The following TXK variants were observed in gnomAD, a reference collection of about 807,000 sequenced individuals.
The protein encoded by TXK is TXK tyrosine kinase.
A neutral mutation model predicts 81.0 loss-of-function variants in TXK; 60 were observed. The ratio of observed to expected loss-of-function variants is 0.74; its 90% confidence interval spans 0.60 to 0.92. The LOEUF is 0.92. Ranked by LOEUF, TXK falls within the 40% of genes least tolerant of loss-of-function variation. TXK has a pLI of 0.00. For synonymous variants in TXK, 203 were observed against 210.7 expected (o/e 0.96, Z 0.32); for missense variants, 581 against 638.3 (o/e 0.91, Z 0.97).
chr4:48,124,499 CAATA>C (rs1418023329), intron 1 of TXK, among the ~76,000 whole-genome samples: 1 of 151,706 alleles, frequency 6.6e-6, no homozygotes, highest in African/African-American at 2.4e-5. Context: ...AACAAAAGCT[CAATA>C]AATAACTGTT....
At chr4:48,126,399 A>G (rs1315537292) in intron 1 of TXK, among the ~76,000 whole-genome samples, 21 of 152,228 alleles carry the variant, frequency 1.4e-4, no homozygotes, top group Admixed American at 1.4e-3. Flanking sequence ...GTTGATCAAC[A>G]TTTATGTTAT....
chr4:48,074,321 G>A (rs1177367238), intron 12 of TXK, among the ~76,000 whole-genome samples: 1 of 152,056 alleles, frequency 6.6e-6, no homozygotes, highest in African/African-American at 2.4e-5. Flanking sequence ...TGTTAATTAT[G>A]GTAAATTCTT....
chr4:48,112,540 T>C, intron 3 of TXK, 28 bp from the exon 4 acceptor site: 2 of 1,564,842 alleles, frequency 1.3e-6, no homozygotes, highest in Non-Finnish European at 1.7e-6. Flanking sequence ...TGAGTTGTTT[T>C]ACTATCATTT....
intron 1 of TXK, among the ~76,000 whole-genome samples, chr4:48,127,121 C>G (rs1184305886): frequency 6.6e-6 from 1 of 152,220 alleles, no homozygotes; most frequent in Non-Finnish European, 1.5e-5. Flanking sequence ...AGCAGGAAGG[C>G]AAACCACTGC....
chr4:48,093,995 T>C lies in TXK; in HGVS notation c.709+82A>G, dbSNP rs549061009. Reference sequence around the variant, plus strand: ...CTATTTCTATAGGGAGATTTGCTCCTGTTGAGTGCCTGATACCAAAGATGC... The same window carrying C: ...CTATTTCTATAGGGAGATTTGCTCCCGTTGAGTGCCTGATACCAAAGATGC... On this transcript the variant is annotated intron_variant, in intron 8 of 14. Coordinates refer to ENST00000264316, the MANE Select transcript of TXK (RefSeq NM_003328.3). The C allele has an allele frequency of 3.4e-5, 53 of 1,552,420 alleles. No individual in the cohort carries two copies. In the African/African-American group the frequency reaches 6.7e-4, roughly 20 times the overall value.
chr4:48,110,907 AAC>A (rs1437045375), intron 4 of TXK, among the ~76,000 whole-genome samples: 1 of 152,222 alleles, frequency 6.6e-6, no homozygotes, highest in Non-Finnish European at 1.5e-5. Flanking sequence ...TTATGTTAAA[AAC>A]ACAGCAATTA....
At position 48,067,250 on chromosome 4, in the gene TXK, G is replaced by C. The variant is rs777806441; in HGVS notation, c.*387C>G. ...AATTTATTTTCATATTCTATGCATG[G>C]ATCACTGAAGTGATGAATGTCACTC... On this transcript the variant is annotated 3_prime_UTR_variant, in exon 15 of 15. Transcript: ENST00000264316. The C allele has an allele frequency of 6.4e-5, 12 of 187,166 alleles. No homozygotes were observed. The highest frequency in any genetic ancestry group is 9.4e-5 in the African/African-American group (4 of 42,346). 11.6% of individuals were successfully genotyped at this position (187,166 alleles called of 1,614,324 possible). A position where few individuals can be genotyped will look rare whatever the true frequency, so the allele number is the denominator to read the frequency against.
chr4:48,113,986 C>T (rs1424137639), intron 2 of TXK, among the ~76,000 whole-genome samples: 1 of 152,144 alleles, frequency 6.6e-6, no homozygotes, highest in Non-Finnish European at 1.5e-5. Flanking sequence ...GTATAAGATA[C>T]ACCGGTAGTT....
At chr4:48,072,405 G>A (rs1716899422) in intron 13 of TXK, among the ~76,000 whole-genome samples, 1 of 152,166 alleles carries the variant, frequency 6.6e-6, no homozygotes. Flanking sequence ...AGCCTCTGCT[G>A]CCTACTTAGC....
chr4:48,129,382 G>C (rs554345841), intron 1 of TXK, among the ~76,000 whole-genome samples: 1 of 152,130 alleles, frequency 6.6e-6, no homozygotes, highest in Admixed American at 6.5e-5. Flanking sequence ...TTAAAGAAGG[G>C]AGGATAACTA....
intron 11 of TXK, among the ~76,000 whole-genome samples, chr4:48,077,782 ACATGCTAGACACTGTTTATTAATT>A (rs1362003434): frequency 6.6e-6 from 1 of 152,092 alleles, no homozygotes; most frequent in Non-Finnish European, 1.5e-5. Context: ...GAGCTCCTCT[ACATGCTAGACACTGTTTATTAATT>A]CATGTAATTC....
chr4:48,086,335 G>A, intron 10 of TXK, 131 bp downstream of exon 10: 1 of 839,934 alleles, frequency 1.2e-6, no homozygotes, highest in South Asian at 1.6e-5. Flanking sequence ...GTCAAATAAT[G>A]TGCCTGGGTT....
chr4:48,130,929 A>G (rs1719233170), intron 1 of TXK, among the ~76,000 whole-genome samples: 2 of 152,188 alleles, frequency 1.3e-5, no homozygotes, highest in South Asian at 2.1e-4. Context: ...CAGGCACACC[A>G]AGACTTAGAA....
intron 12 of TXK, among the ~76,000 whole-genome samples, chr4:48,075,777 G>A (rs1312627742): frequency 6.6e-6 from 1 of 152,128 alleles, no homozygotes; most frequent in African/African-American, 2.4e-5. Flanking sequence ...CATGCACACA[G>A]ATAACAAAAG....
In TXK at chr4:48,067,555, T is replaced by C; in HGVS notation, c.*82A>G. ...CAACTCTGAAGAAAGATATTCACCA[T>C]AAGTGACCCCATATGGTGAAGATAT... On this transcript the variant is annotated 3_prime_UTR_variant, in exon 15 of 15. Coordinates refer to ENST00000264316, the MANE Select transcript of TXK (RefSeq NM_003328.3). 2.9e-6 allele frequency: 4 copies of C among 1,385,978 alleles called. No homozygotes were observed. The highest frequency in any genetic ancestry group is 2.3e-5 in the South Asian group (2 of 85,878). The allele number at this position is 1,385,978 out of a possible 1,614,324, so 85.9% of individuals were successfully genotyped here. A position where few individuals can be genotyped will look rare whatever the true frequency, so the allele number is the denominator to read the frequency against.
chr4:48,067,775 G>A (rs539408241), intron 14 of TXK, 70 bp from the exon 15 acceptor site: 9 of 1,441,836 alleles, frequency 6.2e-6, no homozygotes, highest in African/African-American at 2.8e-5. Flanking sequence ...TTTTTGGAAC[G>A]CTAAGCATGT....
chr4:48,096,649 C>G (rs936289094), intron 6 of TXK, among the ~76,000 whole-genome samples: 1 of 152,186 alleles, frequency 6.6e-6, no homozygotes, highest in Admixed American at 6.5e-5. Context: ...CTGCCTCAGC[C>G]TCCCCAGTAG....
Position 48,084,730 on chromosome 4 carries a change from C to T in TXK, c.956+1736G>A, listed in dbSNP as rs568624077. On this transcript the variant is annotated intron_variant, in intron 10 of 14. Coordinates refer to ENST00000264316, the MANE Select transcript of TXK (RefSeq NM_003328.3). Reference sequence around the variant, plus strand: ...GTTTGTAACAACTTCCCTTGGAATTCGTTCTATTGTAAGTGAATGGAAAGG... The same window carrying T: ...GTTTGTAACAACTTCCCTTGGAATTTGTTCTATTGTAAGTGAATGGAAAGG... Among the ~76,000 whole-genome samples, 9 of 152,260 alleles carry T rather than the reference C, an allele frequency of 5.9e-5. No individual in the cohort carries two copies. The South Asian group carries it at 1.2e-3, about 21-fold the overall frequency.
chr4:48,095,017 T>G (rs1717929080), intron 7 of TXK, 126 bp downstream of exon 7: 1 of 737,400 alleles, frequency 1.4e-6, no homozygotes. Context: ...TATCACGGAC[T>G]GGTTGGTTTT....
Sources: gnomAD v4.1 joint callset for allele counts (sites outside exome capture counted in the v4.1 genomes callset) on GRCh38, gnomAD v4.1.1 for gene constraint, MANE v1.5 for transcripts, NCBI Gene and HGNC (gene_info 2026-07-23, HGNC 2026-07-21) for gene names.